CLEC16A: variants seen among roughly 807,000 people sequenced by gnomAD.
CLEC16A encodes the protein protein CLEC16A.
CLEC16A carries 51 observed loss-of-function variants against 109.5 expected under a neutral mutation model. That is an observed-to-expected ratio of 0.47 (90% CI 0.37 to 0.59). CLEC16A has a LOEUF of 0.59. CLEC16A is among the 20% of genes least tolerant of loss of function. The pLI is 0.00. For synonymous variants in CLEC16A, 673 were observed against 564.2 expected (o/e 1.19, Z -2.73); for missense variants, 1,339 against 1,394.0 (o/e 0.96, Z 0.63).
At chr16:11,173,276 C>A (rs1391255155) in intron 23 of CLEC16A, among the ~76,000 whole-genome samples, 1 of 152,102 alleles carries the variant, frequency 6.6e-6, no homozygotes, top group East Asian at 1.9e-4. Flanking sequence ...CCATTTTCGC[C>A]GTTTTTCAGT....
chr16:11,074,738 G>A (rs145009712), intron 19 of CLEC16A, among the ~76,000 whole-genome samples: 45 of 152,306 alleles, frequency 3.0e-4, no homozygotes, highest in African/African-American at 1.1e-3. Flanking sequence ...GTGGCTCTAG[G>A]ACAGTTCTTC....
chr16:10,948,105 G>A (rs550950723), intron 1 of CLEC16A, among the ~76,000 whole-genome samples: 41 of 152,216 alleles, frequency 2.7e-4, no homozygotes, highest in African/African-American at 8.7e-4. Flanking sequence ...GTGTTAGCCA[G>A]GATGGTCTCG....
chr16:11,039,656 TG>T, intron 13 of CLEC16A, 97 bp from the exon 14 acceptor site: 1 of 1,321,690 alleles, frequency 7.6e-7, no homozygotes, highest in Non-Finnish European at 1.0e-6. Flanking sequence ...GGAACATATG[TG>T]GCTGAAGTTG....
chr16:11,161,793 A>G (rs897723613), intron 22 of CLEC16A, among the ~76,000 whole-genome samples: 4 of 152,226 alleles, frequency 2.6e-5, no homozygotes, highest in Admixed American at 2.0e-4. Context: ...GCAGAAATCC[A>G]GGTCTGTGTG....
intron 2 of CLEC16A, among the ~76,000 whole-genome samples, chr16:10,960,672 A>T (rs892725157): frequency 6.6e-6 from 1 of 152,104 alleles, no homozygotes; most frequent in Non-Finnish European, 1.5e-5. Flanking sequence ...GTTAAGGTCT[A>T]CCTTCTAGAA....
At chr16:11,157,408 C>T (rs966417302) in intron 22 of CLEC16A, among the ~76,000 whole-genome samples, 15 of 152,200 alleles carry the variant, frequency 9.9e-5, no homozygotes, top group Non-Finnish European at 2.9e-5. Context: ...CAGATATCAC[C>T]ATTTGGGGGC....
At chr16:11,019,360 C>T (rs1427681858) in intron 11 of CLEC16A, among the ~76,000 whole-genome samples, 1 of 152,170 alleles carries the variant, frequency 6.6e-6, no homozygotes, top group African/African-American at 2.4e-5. Flanking sequence ...ACAGGTTACC[C>T]TTGTTTAATG....
intron 1 of CLEC16A, 135 bp from the exon 2 acceptor site, chr16:10,957,647 T>C (rs1204883043): frequency 1.2e-6 from 1 of 854,842 alleles, no homozygotes; most frequent in Admixed American, 2.3e-5. Context: ...TTACATCTAA[T>C]CTGAATGGGA....
chr16:11,121,874 T>C (rs1597457212), intron 20 of CLEC16A, among the ~76,000 whole-genome samples: 1 of 107,876 alleles, frequency 9.3e-6, no homozygotes, highest in Non-Finnish European at 1.8e-5. Flanking sequence ...AGTGAGACCC[T>C]GTCTCAAAAA....
intron 23 of CLEC16A, 45 bp downstream of exon 23, chr16:11,166,597 C>T (rs943062028): frequency 6.6e-7 from 1 of 1,511,262 alleles, no homozygotes; most frequent in Non-Finnish European, 8.9e-7. Context: ...TTGGAGAACC[C>T]CGTGATCCCT....
Position 11,024,828 on chromosome 16 carries a change from C to G in CLEC16A, c.1444C>G (p.Leu482Val). 1 of 1,599,914 alleles carries G rather than the reference C, an allele frequency of 6.3e-7. No homozygotes were observed. Among genetic ancestry groups the G allele is most frequent in the Non-Finnish European group, 8.5e-7 (1 of 1,172,932 alleles). ...GCCCCTCCTCTTTTCCAGACCCTTCCTGGATATGGTGTACCACGCGCTGGA... is the reference window on the plus strand; with the variant it reads ...GCCCCTCCTCTTTTCCAGACCCTTCGTGGATATGGTGTACCACGCGCTGGA... Reference protein sequence around the residue: ...SESTQWSRPFLDMVYHALDSP... With the variant: ...SESTQWSRPFVDMVYHALDSP... The change falls in exon 13 of 24, where the codon CTG becomes GTG. Residue 482 changes from leucine (L) to valine (V), a missense_variant. Physicochemically the swap from Leu to Val is conservative, Grantham distance 32 (BLOSUM62 1). Coordinates refer to ENST00000409790, the MANE Select transcript of CLEC16A (RefSeq NM_015226.3).
intron 22 of CLEC16A, among the ~76,000 whole-genome samples, chr16:11,132,901 C>G (rs1350171415): frequency 6.6e-6 from 1 of 152,108 alleles, no homozygotes; most frequent in Non-Finnish European, 1.5e-5. Context: ...ATTGTTCAGT[C>G]TTGTTTTCCC....
At chr16:11,098,692 C>G (rs556311880) in intron 19 of CLEC16A, among the ~76,000 whole-genome samples, 18 of 152,310 alleles carry the variant, frequency 1.2e-4, no homozygotes, top group African/African-American at 4.3e-4. Flanking sequence ...GGCCTCCCTT[C>G]GAGGAACCCT....
chr16:10,952,642 A>C (rs1337085712), intron 1 of CLEC16A, among the ~76,000 whole-genome samples: 1 of 152,242 alleles, frequency 6.6e-6, no homozygotes, highest in Non-Finnish European at 1.5e-5. Context: ...ACATTCAAGC[A>C]AATGTATATT....
At chr16:11,152,708 A>C (rs2054340341) in intron 22 of CLEC16A, among the ~76,000 whole-genome samples, 1 of 152,198 alleles carries the variant, frequency 6.6e-6, no homozygotes, top group African/African-American at 2.4e-5. Context: ...TAAGGGCACC[A>C]CTGTGGTCCC....
rs2068972252 is a variant in CLEC16A at position 11,182,046 on chromosome 16, G to C, written c.*3356G>C. The C allele has an allele frequency of 6.6e-6, 1 of 152,458 alleles. No homozygotes were observed. Among genetic ancestry groups the C allele is most frequent in the African/African-American group, 2.4e-5 (1 of 41,454 alleles). 9.4% of individuals were successfully genotyped at this position (152,458 alleles called of 1,614,324 possible). On this transcript the variant is annotated 3_prime_UTR_variant, in exon 24 of 24. Transcript: ENST00000409790. ...GGTTAGAAAACCTCGATGCCTCTGA[G>C]CCTCGGGACCGCTCTAGGGAAGTAC...
intron 22 of CLEC16A, among the ~76,000 whole-genome samples, chr16:11,137,842 C>T (rs749528371): frequency 3.3e-5 from 5 of 152,000 alleles, no homozygotes; most frequent in Admixed American, 1.3e-4. Context: ...GCAGTATTGC[C>T]GAGTGCACAG....
intron 19 of CLEC16A, among the ~76,000 whole-genome samples, chr16:11,109,120 A>C (rs2051405614): frequency 6.6e-6 from 1 of 150,784 alleles, no homozygotes; most frequent in Non-Finnish European, 1.5e-5. Flanking sequence ...AAAAAAAAAA[A>C]AAAAAAAAAA....
chr16:10,989,219 T>A (rs950070706), intron 10 of CLEC16A, among the ~76,000 whole-genome samples: 1 of 64,254 alleles, frequency 1.6e-5, no homozygotes, highest in African/African-American at 4.4e-5. Flanking sequence ...GTCGTTGTTT[T>A]TTGTTTTTTG....
Sources: gnomAD v4.1 joint callset for allele counts (sites outside exome capture counted in the v4.1 genomes callset) on GRCh38, gnomAD v4.1.1 for gene constraint, MANE v1.5 for transcripts, NCBI Gene and HGNC (gene_info 2026-07-23, HGNC 2026-07-21) for gene names.